MACO1: variants seen among roughly 807,000 people sequenced by gnomAD.
MACO1 encodes the protein macoilin 1.
A neutral mutation model predicts 78.7 loss-of-function variants in MACO1; 14 were observed. The ratio of observed to expected loss-of-function variants is 0.18; its 90% CI spans 0.12 to 0.28. MACO1 has a LOEUF of 0.28. Ranked by LOEUF, MACO1 falls within the 10% of genes least tolerant of loss-of-function variation. The pLI, the probability that MACO1 is intolerant of heterozygous loss-of-function variation, is 1.00. For synonymous variants in MACO1, 288 were observed against 291.6 expected, an observed-to-expected ratio of 0.99 and a Z score of 0.12; for missense variants, 501 against 799.0, an observed-to-expected ratio of 0.63 and a Z score of 4.50.
chr1:25,443,307 A>G (rs1285459491), intron 1 of MACO1, among the ~76,000 whole-genome samples: 1 of 152,146 alleles, frequency 6.6e-6, no homozygotes, highest in Non-Finnish European at 1.5e-5. Context: ...AACTTCTAAA[A>G]CCTCTAAGAC....
rs758540593 is a variant in MACO1 at position 25,484,294 on chromosome 1, CTTTGGCCGTAAGCCCGGCAGCT to C, written c.1313+22_1313+43del. The C allele has an allele frequency of 1.9e-6, 3 of 1,568,050 alleles. No homozygotes were observed. In the South Asian group the frequency reaches 3.6e-5, roughly 19 times the overall value. ...GAACAAGTACGTGCACCTTTCAGGC[CTTTGGCCGTAAGCCCGGCAGCT>C]TCACTGCTTCTCCTGTTGCCAGGGG... On this transcript the variant is annotated intron_variant, in intron 7 of 10. Transcript: ENST00000374343.
intron 9 of MACO1, 34 bp downstream of exon 9, chr1:25,489,327 G>A: frequency 6.2e-7 from 1 of 1,608,022 alleles, no homozygotes; most frequent in Non-Finnish European, 8.5e-7. Context: ...CCTTGTATTT[G>A]AATTCCACTT....
chr1:25,436,393 A>T (rs1326578137), intron 1 of MACO1, among the ~76,000 whole-genome samples: 1 of 152,182 alleles, frequency 6.6e-6, no homozygotes, highest in East Asian at 1.9e-4. Flanking sequence ...AAACATAGTT[A>T]AGTGAAATAC....
chr1:25,447,679 C>T (rs528724590), intron 2 of MACO1, among the ~76,000 whole-genome samples: 55 of 152,242 alleles, frequency 3.6e-4, no homozygotes, highest in African/African-American at 1.3e-3. Flanking sequence ...CCACCATATG[C>T]ATGAGTGAGT....
chr1:25,491,678 C>A (rs1462581364), intron 10 of MACO1, 94 bp downstream of exon 10: 1 of 1,056,486 alleles, frequency 9.5e-7, no homozygotes, highest in Non-Finnish European at 1.4e-6. Flanking sequence ...AACCAAGGGG[C>A]ATTTCAGTTT....
intron 6 of MACO1, among the ~76,000 whole-genome samples, chr1:25,472,555 C>G (rs2043283462): frequency 6.6e-6 from 1 of 152,186 alleles, no homozygotes. Context: ...CAAGGAGATC[C>G]TCCAGGTTAG....
chr1:25,452,589 T>G (rs2124581001), intron 3 of MACO1, among the ~76,000 whole-genome samples: 1 of 152,350 alleles, frequency 6.6e-6, no homozygotes, highest in South Asian at 2.1e-4. Flanking sequence ...TCCTCATTCT[T>G]TAGGAACCTT....
At chr1:25,459,253 A>G (rs1295978596) in intron 6 of MACO1, among the ~76,000 whole-genome samples, 4 of 151,564 alleles carry the variant, frequency 2.6e-5, no homozygotes, top group Admixed American at 6.6e-5. Context: ...TTGTTCACGC[A>G]AATCTCTGTC....
chr1:25,482,116 C>T (rs1191623398), intron 6 of MACO1, among the ~76,000 whole-genome samples: 1 of 152,118 alleles, frequency 6.6e-6, no homozygotes, highest in Non-Finnish European at 1.5e-5. Context: ...ATCACCATTG[C>T]CCTTCAGAAA....
At chr1:25,447,722 A>G (rs1018934552) in intron 2 of MACO1, among the ~76,000 whole-genome samples, 14 of 152,226 alleles carry the variant, frequency 9.2e-5, no homozygotes, top group Non-Finnish European at 1.3e-4. Flanking sequence ...TAGTATTGTT[A>G]TGAAAATAGT....
chr1:25,471,222 C>T (rs1480963795), intron 6 of MACO1, among the ~76,000 whole-genome samples: 2 of 151,718 alleles, frequency 1.3e-5, no homozygotes, highest in African/African-American at 2.4e-5. Flanking sequence ...GCCTGTAATC[C>T]CAGCTACTCA....
rs143841978 is a variant in MACO1 at position 25,481,590 on chromosome 1, C to T, written c.1155-2526C>T. On this transcript the variant is annotated intron_variant, in intron 6 of 10. Transcript: ENST00000374343. ...CTGAAGAAAGACAAATTACCTAACA[C>T]ATTTTCAGCCAAATTTCTCAAAGAG... is the stretch of plus-strand genomic sequence containing the variant. Among the ~76,000 whole-genome samples, 490 of 152,318 alleles carry T rather than the reference C, an allele frequency of 3.2e-3. 3 individuals are homozygous for T. Among genetic ancestry groups the T allele is most frequent in the African/African-American group, 1.0e-2 (414 of 41,578 alleles).
At chr1:25,445,403 A>G (rs942857189) in intron 1 of MACO1, among the ~76,000 whole-genome samples, 2 of 152,082 alleles carry the variant, frequency 1.3e-5, no homozygotes, top group African/African-American at 4.8e-5. Flanking sequence ...AGTTCTAAGG[A>G]TAAATATTAG....
intron 1 of MACO1, among the ~76,000 whole-genome samples, chr1:25,445,635 A>G (rs2043009421): frequency 6.7e-6 from 1 of 149,820 alleles, no homozygotes; most frequent in South Asian, 2.1e-4. Context: ...TCCTCCAAGT[A>G]TGTAAGTCTT....
intron 10 of MACO1, among the ~76,000 whole-genome samples, chr1:25,492,026 G>A (rs1340379866): frequency 1.3e-5 from 2 of 152,190 alleles, no homozygotes; most frequent in African/African-American, 2.4e-5. Flanking sequence ...AAGCAGCAGT[G>A]TGGTGGAGGG....
At chr1:25,454,839 TG>T (rs2043105609) in intron 4 of MACO1, among the ~76,000 whole-genome samples, 1 of 152,166 alleles carries the variant, frequency 6.6e-6, no homozygotes, top group Admixed American at 6.5e-5. Context: ...TAAGTTCAAC[TG>T]TAAATTTATT....
At chr1:25,496,392 C>T (rs547803011) in intron 10 of MACO1, among the ~76,000 whole-genome samples, 1 of 152,130 alleles carries the variant, frequency 6.6e-6, no homozygotes, top group Non-Finnish European at 1.5e-5. Flanking sequence ...AAGCAGTCCA[C>T]CCACCGCGGT....
intron 9 of MACO1, among the ~76,000 whole-genome samples, chr1:25,490,841 AAT>A (rs2043479719): frequency 6.6e-6 from 1 of 152,186 alleles, no homozygotes; most frequent in African/African-American, 2.4e-5. Flanking sequence ...GATTAAAAGA[AAT>A]ATTAAATTTT....
At chr1:25,431,292 T>A in intron 1 of MACO1, 114 bp downstream of exon 1, 1 of 667,136 alleles carries the variant, frequency 1.5e-6, no homozygotes, top group Non-Finnish European at 2.2e-6. Context: ...CGCCGGGGGC[T>A]CTCCTAAGGA....
Sources: allele counts gnomAD v4.1 joint callset (sites outside exome capture counted in the v4.1 genomes callset), GRCh38; gene constraint gnomAD v4.1.1; transcripts MANE v1.5; gene names NCBI Gene and HGNC (gene_info 2026-07-23, HGNC 2026-07-21).